The following MLH3 variants were observed in gnomAD, a reference collection of about 807,000 sequenced individuals.
The protein encoded by MLH3 is DNA mismatch repair protein Mlh3.
MLH3 carries 82 observed loss-of-function variants against 122.2 expected under a neutral mutation model. The ratio of observed to expected loss-of-function variants is 0.67; its 90% CI spans 0.56 to 0.81. The LOEUF (loss-of-function observed/expected upper bound fraction) is 0.81. Among genes scored for constraint, MLH3 ranks in the 30% least tolerant of loss-of-function variants. MLH3 has a pLI of 0.00. For synonymous variants in MLH3, 524 were observed against 599.5 expected, an observed-to-expected ratio of 0.87 and a Z score of 1.84; for missense variants, 1,539 against 1,714.5, an observed-to-expected ratio of 0.90 and a Z score of 1.81.
intron 6 of MLH3, among the ~76,000 whole-genome samples, chr14:75,034,369 A>G (rs752291150): frequency 4.6e-5 from 7 of 152,186 alleles, no homozygotes; most frequent in Non-Finnish European, 8.8e-5. Context: ...GGAAACCCAC[A>G]AAGAATGTAC....
intron 6 of MLH3, among the ~76,000 whole-genome samples, chr14:75,036,165 T>C (rs1469032970): frequency 6.6e-6 from 1 of 152,186 alleles, no homozygotes; most frequent in Non-Finnish European, 1.5e-5. Flanking sequence ...TCTACCGAGC[T>C]CTTAAGTGCT....
chr14:75,029,274 T>C (rs574262443), intron 9 of MLH3, among the ~76,000 whole-genome samples: 3 of 152,254 alleles, frequency 2.0e-5, no homozygotes, highest in Admixed American at 6.5e-5. Context: ...CATTTTCACA[T>C]TGAATAGGCT....
At chr14:75,021,836 C>T (rs1890297413) in intron 11 of MLH3, among the ~76,000 whole-genome samples, 1 of 152,002 alleles carries the variant, frequency 6.6e-6, no homozygotes, top group African/African-American at 2.4e-5. Context: ...GGGAATATGC[C>T]CAAAGAAACA....
chr14:75,027,543 G>A (rs1402935814), intron 9 of MLH3, among the ~76,000 whole-genome samples: 1 of 151,902 alleles, frequency 6.6e-6, no homozygotes, highest in African/African-American at 2.4e-5. Flanking sequence ...TTACAGGCAT[G>A]AGCCACCATG....
At chr14:75,031,284 C>T (rs1891030477) in intron 8 of MLH3, among the ~76,000 whole-genome samples, 2 of 152,104 alleles carry the variant, frequency 1.3e-5, no homozygotes, top group Non-Finnish European at 2.9e-5. Context: ...TATGATTCGC[C>T]CCTTCCTTAC....
At chr14:75,029,825 T>G (rs1890919014) in intron 9 of MLH3, among the ~76,000 whole-genome samples, 1 of 152,070 alleles carries the variant, frequency 6.6e-6, no homozygotes, top group Non-Finnish European at 1.5e-5. Context: ...GTGAGCCACC[T>G]TGCCCAGCCT....
chr14:75,026,244 C>G (rs175063), intron 9 of MLH3, among the ~76,000 whole-genome samples: 150,064 of 152,286 alleles, frequency 0.99, 73,965 homozygotes, highest in East Asian at 1. Context: ...AAGAAAGCTA[C>G]TGATAAAGGA....
chr14:75,041,782 T>C (rs1244975709), intron 3 of MLH3, 82 bp from the exon 4 acceptor site: 8 of 952,590 alleles, frequency 8.4e-6, no homozygotes, highest in African/African-American at 1.6e-5. Flanking sequence ...TGGTGAGCCA[T>C]AGCCTCAAGA....
chr14:75,034,452 T>G (rs1018850986), intron 6 of MLH3, among the ~76,000 whole-genome samples: 4 of 152,308 alleles, frequency 2.6e-5, no homozygotes, highest in African/African-American at 9.6e-5. Context: ...TTAGGCTTTT[T>G]GGGCCACACG....
Position 75,041,578 on chromosome 14 carries a change from A to G in MLH3, c.3465+37T>C, listed in dbSNP as rs771137385. On this transcript the variant is annotated intron_variant, in intron 4 of 12. Coordinates refer to ENST00000355774, the MANE Select transcript of MLH3 (RefSeq NM_001040108.2). The stretch of plus-strand genomic sequence containing the variant: ...TTTAAAAAATAAGAAGAAGAAGAAG[A>G]AAAAAAAAAGGCAAAGAAAAACTGC... The G allele has an allele frequency of 1.5e-5, 19 of 1,245,706 alleles. 1 individual carries two copies. The highest frequency in any genetic ancestry group is 1.3e-4 in the South Asian group (10 of 78,318). 77.2% of individuals were successfully genotyped at this position (1,245,706 alleles called of 1,614,324 possible).
intron 2 of MLH3, among the ~76,000 whole-genome samples, chr14:75,044,089 C>CA (rs56266478): frequency 1.2e-3 from 177 of 143,968 alleles, no homozygotes; most frequent in African/African-American, 2.9e-3. Flanking sequence ...AACTCCGTCT[C>CA]AAAAAAAAAA....
chr14:75,020,882 T>A (rs190631911), intron 11 of MLH3: 1 of 151,488 alleles, frequency 6.6e-6, no homozygotes, highest in Non-Finnish European at 1.5e-5. Context: ...ATTATTATTA[T>A]TATTATTATT....
chr14:75,025,810 G>T (rs1365546022), intron 9 of MLH3, among the ~76,000 whole-genome samples: 1 of 152,136 alleles, frequency 6.6e-6, no homozygotes, highest in African/African-American at 2.4e-5. Context: ...CCTTCACGAT[G>T]GAACTCCTAG....
intron 6 of MLH3, among the ~76,000 whole-genome samples, chr14:75,035,942 C>T (rs1891373290): frequency 6.6e-6 from 1 of 152,182 alleles, no homozygotes; most frequent in Non-Finnish European, 1.5e-5. Context: ...TCTCCATTAG[C>T]ACCATCAGCA....
At chr14:75,041,929 T>C (rs1214370464) in intron 3 of MLH3, among the ~76,000 whole-genome samples, 1 of 152,250 alleles carries the variant, frequency 6.6e-6, no homozygotes, top group Non-Finnish European at 1.5e-5. Flanking sequence ...CTCCAAACTG[T>C]TAAAAGAGAT....
rs902431436 is a variant in MLH3 at position 75,014,961 on chromosome 14, C to T, written c.*2121G>A. ...AAGTTTTATTATACAAAGGTGACAA[C>T]TAGGTTCCTAAGAGGAACCTTCGTT... On this transcript the variant is annotated 3_prime_UTR_variant, in exon 13 of 13. Transcript: ENST00000355774. The T allele has an allele frequency of 1.1e-5, 2 of 179,588 alleles. No individual in the cohort carries two copies. The highest frequency in any genetic ancestry group is 2.4e-5 in the African/African-American group (1 of 42,332). 11.1% of individuals were successfully genotyped at this position (179,588 alleles called of 1,614,324 possible).
Position 75,047,557 on chromosome 14 carries a change from C to G in MLH3, c.2099G>C (p.Gly700Ala). 4 of 1,613,972 alleles carry G rather than the reference C, an allele frequency of 2.5e-6. No individual in the cohort carries two copies. The highest frequency in any genetic ancestry group is 3.4e-6 in the Non-Finnish European group (4 of 1,179,998). ...GCAATCTGTTTGTGATTTTTTGCTA[C>G]CTTCCTGAAAAGCAGAAAACATTGT... ...TYTMFSAFQE[G>A]SKKSQTDCIL... Residue 700 changes from glycine (G) to alanine (A), a missense_variant, in exon 2 of 13, where the codon GGT (glycine) becomes GCT (alanine). Physicochemically the swap from Gly to Ala is moderately conservative, Grantham distance 60. Coordinates refer to ENST00000355774, the MANE Select transcript of MLH3 (RefSeq NM_001040108.2).
In MLH3 at chr14:75,042,493, A is replaced by C; in HGVS notation, c.3281-16T>G. ...TACTGAGACCCTAAATATAAGAAAG[A>C]AAAACCTAGAAATGTGAACTTAAAA... On this transcript the variant is annotated splice_polypyrimidine_tract_variant and intron_variant, in intron 2 of 12. Coordinates refer to ENST00000355774, the MANE Select transcript of MLH3 (RefSeq NM_001040108.2). The C allele has an allele frequency of 6.3e-7, 1 of 1,580,366 alleles. No individual in the cohort carries two copies. Among genetic ancestry groups the C allele is most frequent in the Non-Finnish European group, 8.7e-7 (1 of 1,149,284 alleles).
rs755899581 is a variant in MLH3, at chr14:75,014,812, ATAAGGGATAGCATATGGGTAATAATGG to A, written c.*2243_*2269del. 5 of 185,398 alleles carry A rather than the reference ATAAGGGATAGCATATGGGTAATAATGG, an allele frequency of 2.7e-5. No individual in the cohort carries two copies. The highest frequency in any genetic ancestry group is 5.7e-5 in the Non-Finnish European group (5 of 87,570). 11.5% of individuals were successfully genotyped at this position (185,398 alleles called of 1,614,324 possible). A position where few individuals can be genotyped will look rare whatever the true frequency, so the allele number is the denominator to read the frequency against. On this transcript the variant is annotated 3_prime_UTR_variant, in exon 13 of 13. Coordinates refer to ENST00000355774, the MANE Select transcript of MLH3 (RefSeq NM_001040108.2). ...AATGAATTCCTAATAAATTAAAAAT[ATAAGGGATAGCATATGGGTAATAATGG>A]GAAGGACTGTGCAGTTTGAAGTCAC... is the stretch of plus-strand genomic sequence containing the variant.
Sources: gnomAD v4.1 joint callset for allele counts (sites outside exome capture counted in the v4.1 genomes callset) on GRCh38, gnomAD v4.1.1 for gene constraint, MANE v1.5 for transcripts, NCBI Gene and HGNC (gene_info 2026-07-23, HGNC 2026-07-21) for gene names.